The following CSN1S1 variants were observed in gnomAD, a reference collection of about 807,000 sequenced individuals.
CSN1S1 encodes casein alpha s1.
In CSN1S1, 63 loss-of-function variants were observed where a neutral mutation model predicts 49.1. That is an observed-to-expected ratio of 1.28 (90% CI 1.05 to 1.58). The LOEUF (loss-of-function observed/expected upper bound fraction) is 1.58, where lower values mean the gene tolerates loss of function less well. Among genes scored for constraint, CSN1S1 ranks in the 40% most tolerant of loss-of-function variants. The pLI is 0.00. For missense variants in CSN1S1, 260 were observed against 224.7 expected (o/e 1.16, Z -1.01); for synonymous variants, 78 against 67.1 (o/e 1.16, Z -0.79).
chr4:69,943,316 G>A (rs1295858109), intron 14 of CSN1S1, among the ~76,000 whole-genome samples: 1 of 151,482 alleles, frequency 6.6e-6, no homozygotes, highest in Non-Finnish European at 1.5e-5. Flanking sequence ...CCCAAAGTAG[G>A]TGGGATTACC....
rs138615606 is a variant in CSN1S1, at chr4:69,938,849, C to T, written c.244-327C>T. Reference sequence around the variant, plus strand: ...TCTGGGTACCCAGCTAAATATGGTTCTTTCTTAGAGGTTTCATTTTTGTCA... The same window carrying T: ...TCTGGGTACCCAGCTAAATATGGTTTTTTCTTAGAGGTTTCATTTTTGTCA... On this transcript the variant is annotated intron_variant, in intron 9 of 15. Transcript: ENST00000246891. Among the ~76,000 whole-genome samples, 397 of 151,726 alleles carry T rather than the reference C, an allele frequency of 2.6e-3. 3 individuals carry two copies. Among genetic ancestry groups the T allele is most frequent in the African/African-American group, 8.8e-3 (367 of 41,500 alleles).
In CSN1S1 at chr4:69,945,006, T is replaced by A. The variant is rs1424869577; in HGVS notation, c.557+2T>A. ...AAATAACGTCATGCTACAGTGGTGG[T>A]AAGTTCATTTAAATTACTACATCTT... On this transcript the variant is annotated splice_donor_variant, in intron 15 of 15. Transcript: ENST00000246891. LOFTEE classifies it high-confidence loss of function. The A allele has an allele frequency of 5.6e-6, 9 of 1,612,144 alleles. No homozygotes were observed. Among genetic ancestry groups the A allele is most frequent in the Admixed American group, 1.7e-5 (1 of 59,832 alleles).
chr4:69,937,910 T>C lies in CSN1S1; in HGVS notation c.243+87T>C, dbSNP rs1722844016. On this transcript the variant is annotated intron_variant, in intron 9 of 15. Transcript: ENST00000246891. ...GCTTCATTTTAAAAAGACTGTCTTC[T>C]GAAATTAAGCAAAATAAGAAACTGA... The C allele has an allele frequency of 5.9e-6, 5 of 852,064 alleles. No homozygotes were observed. In the East Asian group the frequency reaches 1.5e-4, roughly 25 times the overall value. 52.8% of individuals were successfully genotyped at this position (852,064 alleles called of 1,614,324 possible). A position where few individuals can be genotyped will look rare whatever the true frequency, so the allele number is the denominator to read the frequency against.
chr4:69,939,985 G>A (rs1189488626), intron 10 of CSN1S1, 36 bp from the exon 11 acceptor site: 9 of 1,242,144 alleles, frequency 7.2e-6, no homozygotes, highest in Non-Finnish European at 1.0e-5. Context: ...TTAATGTCGT[G>A]AAATTAAAAC....
intron 14 of CSN1S1, among the ~76,000 whole-genome samples, 181 bp from the exon 15 acceptor site, chr4:69,944,669 A>C (rs1723093715): frequency 6.6e-6 from 1 of 152,000 alleles, no homozygotes; most frequent in Non-Finnish European, 1.5e-5. Flanking sequence ...GCACCTTCTG[A>C]AAGTTTCTTC....
chr4:69,945,367 G>A (rs2109732701), intron 15 of CSN1S1, among the ~76,000 whole-genome samples: 1 of 151,982 alleles, frequency 6.6e-6, no homozygotes, highest in South Asian at 2.1e-4. Context: ...TTATACCTAT[G>A]ATAAGTATAA....
chr4:69,931,969 A>G lies in CSN1S1; in HGVS notation c.-12-575A>G, dbSNP rs1176906387. On this transcript the variant is annotated intron_variant, in intron 1 of 15. Coordinates refer to ENST00000246891, the MANE Select transcript of CSN1S1 (RefSeq NM_001890.2). ...TTCCAATGTAGCAAAACACGAAGTT[A>G]TGGCTAGATTCTTTATTTAAAAATT... Among the ~76,000 whole-genome samples the G allele has an allele frequency of 2.0e-5, 3 of 151,942 alleles. No homozygotes were observed. In the East Asian group the frequency reaches 5.8e-4, roughly 29 times the overall value.
Position 69,934,813 on chromosome 4 carries a change from C to T in CSN1S1, c.105+103C>T, listed in dbSNP as rs1053469025. ...TCTTCTTCTTTACAATTTTTATTTC[C>T]CTTCAAATGCATCCAACAACTCAAG... On this transcript the variant is annotated intron_variant, in intron 4 of 15. Transcript: ENST00000246891. The T allele has an allele frequency of 1.7e-5, 17 of 1,001,530 alleles. No homozygotes were observed. In the African/African-American group the frequency reaches 2.3e-4, roughly 13 times the overall value. 62.0% of individuals were successfully genotyped at this position (1,001,530 alleles called of 1,614,324 possible).
intron 14 of CSN1S1, among the ~76,000 whole-genome samples, chr4:69,943,571 A>C (rs1371704108): frequency 2.0e-5 from 3 of 152,058 alleles, no homozygotes; most frequent in Non-Finnish European, 4.4e-5. Flanking sequence ...CCCTATCCTC[A>C]TGTTCAGTTG....
rs976117623 is a variant in CSN1S1 at position 69,932,619 on chromosome 4, G to T, written c.51+13G>T. 2.5e-6 allele frequency: 4 copies of T among 1,585,504 alleles called. No individual in the cohort carries two copies. The African/African-American group carries it at 5.4e-5, about 21-fold the overall frequency. ...TCTTGCCAGGCCTGTAAGTTCAGTAGAGAATTTAGAAAGTCTTAGACTCTT... is the reference window on the plus strand; with the variant it reads ...TCTTGCCAGGCCTGTAAGTTCAGTATAGAATTTAGAAAGTCTTAGACTCTT... On this transcript the variant is annotated intron_variant, in intron 2 of 15. Coordinates refer to ENST00000246891, the MANE Select transcript of CSN1S1 (RefSeq NM_001890.2).
At chr4:69,938,447 C>T (rs944972133) in intron 9 of CSN1S1, among the ~76,000 whole-genome samples, 1 of 110,752 alleles carries the variant, frequency 9.0e-6, no homozygotes, top group Non-Finnish European at 2.1e-5. Context: ...CCACGCCCCT[C>T]TCCCTCTCCT....
chr4:69,942,947 T>TAAA (rs5859205), intron 14 of CSN1S1, among the ~76,000 whole-genome samples: 17 of 143,470 alleles, frequency 1.2e-4, no homozygotes, highest in East Asian at 2.0e-4. Flanking sequence ...ACATGCTAAT[T>TAAA]AAAAAAAAAA....
At chr4:69,942,648 G>A (rs1723014624) in intron 14 of CSN1S1, 71 bp downstream of exon 14, 1 of 1,194,300 alleles carries the variant, frequency 8.4e-7, no homozygotes, top group Non-Finnish European at 1.2e-6. Context: ...CTCTTAAATA[G>A]CCCCCTACTC....
intron 13 of CSN1S1, among the ~76,000 whole-genome samples, chr4:69,942,291 C>T (rs1424823124): frequency 6.6e-6 from 1 of 151,800 alleles, no homozygotes; most frequent in Non-Finnish European, 1.5e-5. Context: ...ATTATTTTTC[C>T]TCAGAGTATG....
intron 8 of CSN1S1, 137 bp downstream of exon 8, chr4:69,937,281 C>A: frequency 1.6e-6 from 1 of 641,172 alleles, no homozygotes; most frequent in Non-Finnish European, 2.6e-6. Flanking sequence ...AATAGTGTAT[C>A]ATACATTGGC....
chr4:69,942,695 C>G (rs923890998), intron 14 of CSN1S1, 118 bp downstream of exon 14: 9 of 747,136 alleles, frequency 1.2e-5, no homozygotes, highest in Non-Finnish European at 2.0e-5. Flanking sequence ...ATTTCTCACT[C>G]CCAACTTAAA....
chr4:69,939,692 T>C (rs1014230964), intron 10 of CSN1S1, among the ~76,000 whole-genome samples: 1 of 151,784 alleles, frequency 6.6e-6, no homozygotes, highest in African/African-American at 2.4e-5. Flanking sequence ...CGGTTTTTCC[T>C]TTGACTTTGG....
At chr4:69,933,573 G>A (rs1722676109) in intron 2 of CSN1S1, among the ~76,000 whole-genome samples, 1 of 151,940 alleles carries the variant, frequency 6.6e-6, no homozygotes, top group Non-Finnish European at 1.5e-5. Context: ...ACTTCCTCAG[G>A]AATGAACTGT....
In CSN1S1 at chr4:69,936,572, A is replaced by T; in HGVS notation, c.160A>T (p.Asn54Tyr). The T allele has an allele frequency of 1.2e-6, 2 of 1,606,396 alleles. No homozygotes were observed. Among genetic ancestry groups the T allele is most frequent in the Non-Finnish European group, 1.7e-6 (2 of 1,175,978 alleles). ...EYMNGMNRQRNILREKQTDEI... is the reference protein window; with the variant it reads ...EYMNGMNRQRYILREKQTDEI... The stretch of plus-strand genomic sequence containing the variant: ...TACACTTTATTGATTTTAGCAGAGA[A>T]ACATTCTGAGAGAAAAACAGACTGA... Residue 54 changes from asparagine to tyrosine, a missense_variant, in exon 7 of 16, where the codon AAC becomes TAC. Transcript: ENST00000246891.
Sources: gnomAD v4.1 joint callset for allele counts (sites outside exome capture counted in the v4.1 genomes callset) on GRCh38, gnomAD v4.1.1 for gene constraint, MANE v1.5 for transcripts, NCBI Gene and HGNC (gene_info 2026-07-23, HGNC 2026-07-21) for gene names.